KALRN: variants seen among roughly 807,000 people sequenced by gnomAD.
KALRN encodes kalirin RhoGEF kinase, also known as kalirin.
KALRN carries 70 observed loss-of-function variants against 353.7 expected under a neutral mutation model. The observed-to-expected ratio is 0.20, with a 90% CI of 0.16 to 0.24. The LOEUF is 0.24. Among genes scored for constraint, KALRN ranks in the 10% least tolerant of loss-of-function variants. KALRN has a pLI of 1.00. For missense variants in KALRN, 2,791 were observed against 3,756.7 expected, an observed-to-expected ratio of 0.74 and a Z score of 6.72; for synonymous variants, 1,391 against 1,434.8, an observed-to-expected ratio of 0.97 and a Z score of 0.69.
intron 34 of KALRN, among the ~76,000 whole-genome samples, chr3:124,597,482 G>C: frequency 6.6e-6 from 1 of 152,318 alleles, no homozygotes; most frequent in African/African-American, 2.4e-5. Context: ...ACTCCCCAGG[G>C]GATGCAGGGT....
chr3:124,415,191 C>T (rs1441563610), intron 14 of KALRN, among the ~76,000 whole-genome samples: 1 of 152,198 alleles, frequency 6.6e-6, no homozygotes, highest in Admixed American at 6.5e-5. Context: ...ACTCACCTTG[C>T]AGTCTGTCTG....
chr3:124,465,613 C>T (rs956925485), intron 25 of KALRN, among the ~76,000 whole-genome samples: 3 of 152,102 alleles, frequency 2.0e-5, no homozygotes, highest in Admixed American at 2.0e-4. Flanking sequence ...ATGCAGTTGT[C>T]CTAATACTTA....
At chr3:124,517,752 A>C (rs2066782218) in intron 33 of KALRN, among the ~76,000 whole-genome samples, 1 of 152,188 alleles carries the variant, frequency 6.6e-6, no homozygotes, top group Non-Finnish European at 1.5e-5. Flanking sequence ...CCTTGGAAAA[A>C]TTACAGATTG....
intron 1 of KALRN, among the ~76,000 whole-genome samples, chr3:124,180,821 CTCTG>C (rs1478863590): frequency 1.3e-5 from 2 of 152,064 alleles, no homozygotes; most frequent in Admixed American, 1.3e-4. Flanking sequence ...GTTTATTCAT[CTCTG>C]TCTCTCACCC....
intron 5 of KALRN, among the ~76,000 whole-genome samples, chr3:124,274,871 G>GCATATTCAT (rs1474335793): frequency 3.3e-5 from 5 of 152,112 alleles, no homozygotes; most frequent in African/African-American, 1.2e-4. Flanking sequence ...ATGCCTTCCT[G>GCATATTCAT]CATATTCATT....
chr3:124,244,899 A>G (rs1021650453), intron 3 of KALRN, among the ~76,000 whole-genome samples: 4 of 152,090 alleles, frequency 2.6e-5, no homozygotes, highest in Non-Finnish European at 5.9e-5. Flanking sequence ...TATAGGGTGC[A>G]TATGATATTT....
chr3:124,544,187 A>G (rs1230017590), intron 33 of KALRN, among the ~76,000 whole-genome samples: 1 of 152,250 alleles, frequency 6.6e-6, no homozygotes, highest in East Asian at 1.9e-4. Flanking sequence ...CTTGCAGAAG[A>G]TATGCAAACC....
At chr3:124,677,571 A>C (rs766840812) in intron 49 of KALRN, 17 of 456,704 alleles carry the variant, frequency 3.7e-5, no homozygotes, top group South Asian at 2.6e-4. Context: ...GATATGGAGA[A>C]TATAGACCGA....
chr3:124,094,820 G>A (rs2149383829), intron 1 of KALRN: 1 of 1,612,918 alleles, frequency 6.2e-7, no homozygotes, highest in South Asian at 1.1e-5. Flanking sequence ...TGGCTGTGAA[G>A]GATGAGTTCA....
intron 34 of KALRN, among the ~76,000 whole-genome samples, chr3:124,607,616 A>G (rs933171671): frequency 2.6e-5 from 4 of 152,356 alleles, no homozygotes; most frequent in Admixed American, 2.0e-4. Flanking sequence ...CTATAATCCT[A>G]GAGACCTTGA....
At chr3:124,108,431 AAT>A (rs2062524660) in intron 1 of KALRN, among the ~76,000 whole-genome samples, 2 of 152,214 alleles carry the variant, frequency 1.3e-5, no homozygotes, top group African/African-American at 2.4e-5. Context: ...GAATTAGGAT[AAT>A]ATCTACCTGT....
chr3:124,521,992 A>G (rs1306845203), intron 33 of KALRN, among the ~76,000 whole-genome samples: 1 of 152,180 alleles, frequency 6.6e-6, no homozygotes, highest in Non-Finnish European at 1.5e-5. Flanking sequence ...GGAGAAACAG[A>G]CAATAAACAA....
At chr3:124,702,801 TTCTC>T (rs1367727665) in intron 57 of KALRN, among the ~76,000 whole-genome samples, 6 of 152,192 alleles carry the variant, frequency 3.9e-5, no homozygotes, top group Admixed American at 3.9e-4. Flanking sequence ...ACCTTTCTCT[TTCTC>T]TCTCTTTCTC....
chr3:124,103,681 C>T (rs528177289), intron 1 of KALRN, among the ~76,000 whole-genome samples: 45 of 152,182 alleles, frequency 3.0e-4, no homozygotes, highest in Non-Finnish European at 5.9e-4. Context: ...TAAGGCTGGG[C>T]GCAGTGACTC....
chr3:124,212,316 T>TAA (rs879400421), intron 1 of KALRN, among the ~76,000 whole-genome samples: 1 of 145,884 alleles, frequency 6.9e-6, no homozygotes, highest in Non-Finnish European at 1.5e-5. Context: ...TTCAGAAGGT[T>TAA]AAAAAAAAAA....
intron 6 of KALRN, among the ~76,000 whole-genome samples, chr3:124,309,943 G>T (rs1401440018): frequency 6.6e-6 from 1 of 152,088 alleles, no homozygotes; most frequent in African/African-American, 2.4e-5. Flanking sequence ...TCGGGAAAAA[G>T]AAATAAGAGT....
intron 37 of KALRN, among the ~76,000 whole-genome samples, chr3:124,647,972 C>G (rs1242105702): frequency 2.0e-5 from 3 of 152,246 alleles, no homozygotes; most frequent in African/African-American, 7.2e-5. Flanking sequence ...ATTTGTTGCT[C>G]TATCCCCATG....
intron 9 of KALRN, among the ~76,000 whole-genome samples, chr3:124,337,405 TG>T (rs544644947): frequency 7.9e-4 from 121 of 152,322 alleles, no homozygotes; most frequent in African/African-American, 2.6e-3. Context: ...AGATATCATG[TG>T]GTTTTTGTCA....
At chr3:124,688,854 A>C (rs2061679841) in intron 51 of KALRN, among the ~76,000 whole-genome samples, 1 of 152,224 alleles carries the variant, frequency 6.6e-6, no homozygotes, top group Non-Finnish European at 1.5e-5. Context: ...TATGGTAGTC[A>C]GTGCTGGTTA....
Sources: allele counts gnomAD v4.1 joint callset (sites outside exome capture counted in the v4.1 genomes callset), GRCh38; gene constraint gnomAD v4.1.1; transcripts MANE v1.5; gene names NCBI Gene and HGNC (gene_info 2026-07-23, HGNC 2026-07-21).